Variants in XKR6 observed in about 807,000 individuals in gnomAD.
XKR6 encodes the protein XK-related protein 6.
A neutral mutation model predicts 56.7 loss-of-function variants in XKR6; 22 were observed. The observed-to-expected ratio is 0.39, with a 90% CI of 0.28 to 0.55. The LOEUF (loss-of-function observed/expected upper bound fraction) is 0.55, where lower values mean the gene tolerates loss of function less well. XKR6 is among the 20% of genes least tolerant of loss of function. The probability of loss-of-function intolerance (pLI) is 0.66; values close to 1 mark genes in which losing one functional copy is unlikely to be tolerated. For missense variants in XKR6, 852 were observed against 889.0 expected (o/e 0.96, Z 0.53); for synonymous variants, 524 against 387.8 (o/e 1.35, Z -4.13).
Position 11,201,496 on chromosome 8 carries a change from C to T in XKR6, c.-157G>A. On this transcript the variant is annotated 5_prime_UTR_variant, in exon 1 of 3. Coordinates refer to ENST00000416569, the MANE Select transcript of XKR6 (RefSeq NM_173683.4). ...AACGAGGGGGGAGTGGGCCAGGGAACCCCCTCCGCTTCCGGGTAGTTGGCG... is the reference window on the plus strand; with the variant it reads ...AACGAGGGGGGAGTGGGCCAGGGAATCCCCTCCGCTTCCGGGTAGTTGGCG... 1 of 561,156 alleles carries T rather than the reference C, an allele frequency of 1.8e-6. No individual in the cohort carries two copies. Among genetic ancestry groups the T allele is most frequent in the East Asian group, 3.4e-5 (1 of 29,762 alleles). 34.8% of individuals were successfully genotyped at this position (561,156 alleles called of 1,614,324 possible). A position where few individuals can be genotyped will look rare whatever the true frequency, so the allele number is the denominator to read the frequency against.
At chr8:11,179,964 C>T (rs1802880557) in intron 1 of XKR6, among the ~76,000 whole-genome samples, 1 of 151,970 alleles carries the variant, frequency 6.6e-6, no homozygotes, top group South Asian at 2.1e-4. Context: ...GAGACCCCAT[C>T]TTCACAAAAA....
chr8:11,169,095 T>A (rs1313067194), intron 1 of XKR6, among the ~76,000 whole-genome samples: 3 of 152,116 alleles, frequency 2.0e-5, no homozygotes, highest in South Asian at 2.1e-4. Flanking sequence ...CCAAGCTGAG[T>A]AGGCTTTCTC....
intron 1 of XKR6, among the ~76,000 whole-genome samples, chr8:11,052,656 C>T (rs1009658672): frequency 6.6e-6 from 1 of 152,090 alleles, no homozygotes; most frequent in East Asian, 1.9e-4. Flanking sequence ...GGTTTTCTCT[C>T]CCCATTGCCC....
chr8:11,050,255 A>T (rs1376365016), intron 1 of XKR6, among the ~76,000 whole-genome samples: 1 of 152,200 alleles, frequency 6.6e-6, no homozygotes, highest in Non-Finnish European at 1.5e-5. Context: ...GGATTCAAGA[A>T]TATGGCCAAC....
intron 1 of XKR6, among the ~76,000 whole-genome samples, chr8:11,163,357 C>T (rs531939447): frequency 6.6e-6 from 1 of 152,252 alleles, no homozygotes; most frequent in African/African-American, 2.4e-5. Context: ...CAAATGATTA[C>T]TGTTGCAGGG....
chr8:10,922,273 G>T (rs1407104688), intron 2 of XKR6, among the ~76,000 whole-genome samples: 1 of 152,248 alleles, frequency 6.6e-6, no homozygotes, highest in East Asian at 1.9e-4. Flanking sequence ...GGGAGAGAAA[G>T]GTGTCCCTCT....
In XKR6 at chr8:10,898,525, G is replaced by A. The variant is rs142242465; in HGVS notation, c.1353C>T (p.Thr451=). The part of the protein sequence containing the change: ...RMFAYYTIVL[T]ENAALTFLWY... ...AAAGGAACGTCAAGGCAGCATTCTC[G>A]GTCAAGACTATCGTATAATATGCAA... The change falls in exon 3 of 3, where the codon ACC becomes ACT. Residue 451 remains threonine, a synonymous_variant. Coordinates refer to ENST00000416569, the MANE Select transcript of XKR6 (RefSeq NM_173683.4). This position sits in a 1 kb window ranked among gnomAD's most constrained non-coding sequence, Gnocchi z 6.6. 6.4e-5 allele frequency: 103 copies of A among 1,613,928 alleles called. No homozygotes were observed. Among genetic ancestry groups the A allele is most frequent in the African/African-American group, 6.3e-4 (47 of 75,006 alleles).
intron 1 of XKR6, among the ~76,000 whole-genome samples, chr8:11,085,261 GTCTC>G (rs1246722344): frequency 6.6e-6 from 1 of 152,136 alleles, no homozygotes; most frequent in Non-Finnish European, 1.5e-5. Flanking sequence ...GAGCCTCATT[GTCTC>G]TCTAACTGTG....
intron 1 of XKR6, among the ~76,000 whole-genome samples, chr8:11,192,456 T>C (rs1006768786): frequency 2.4e-4 from 37 of 151,998 alleles, no homozygotes; most frequent in African/African-American, 8.2e-4. Context: ...CCTACAAAAA[T>C]CTTTTTAAAC....
In XKR6 at chr8:11,115,565, A is replaced by C. The variant is rs562583185; in HGVS notation, c.764+85011T>G. Among the ~76,000 whole-genome samples, 10 of 152,304 alleles carry C rather than the reference A, an allele frequency of 6.6e-5. No individual in the cohort carries two copies. The South Asian group carries it at 1.2e-3, about 19-fold the overall frequency. ...TAGTCTACACTAACATTATCGTTCA[A>C]TGTTTTGCATTTCTCTGCTGGTTCT... On this transcript the variant is annotated intron_variant, in intron 1 of 2. Transcript: ENST00000416569.
At chr8:11,071,360 C>T (rs933089730) in intron 1 of XKR6, among the ~76,000 whole-genome samples, 2 of 152,226 alleles carry the variant, frequency 1.3e-5, no homozygotes, top group Admixed American at 6.5e-5. Context: ...GTGCCTCAGC[C>T]TCCCAAGTAG....
At chr8:11,113,431 T>C (rs146031868) in intron 1 of XKR6, among the ~76,000 whole-genome samples, 6 of 152,340 alleles carry the variant, frequency 3.9e-5, no homozygotes, top group Non-Finnish European at 8.8e-5. Context: ...CACTGTATTA[T>C]CTTCAACCAA....
chr8:10,908,620 C>T (rs996259620), intron 2 of XKR6, among the ~76,000 whole-genome samples: 2 of 152,136 alleles, frequency 1.3e-5, no homozygotes, highest in African/African-American at 2.4e-5. Context: ...TCACCAAGAC[C>T]TTTATGCAAC....
chr8:11,005,099 A>C (rs1269085341), intron 1 of XKR6, among the ~76,000 whole-genome samples: 2 of 152,072 alleles, frequency 1.3e-5, no homozygotes, highest in African/African-American at 4.8e-5. Flanking sequence ...ACAGAACTCT[A>C]TATATACTAA....
At chr8:11,120,499 A>G in intron 1 of XKR6, among the ~76,000 whole-genome samples, 1 of 152,236 alleles carries the variant, frequency 6.6e-6, no homozygotes. Flanking sequence ...GGACCTCTTC[A>G]AGGAGAACTA....
Position 10,913,821 on chromosome 8 carries a change from G to C in XKR6, c.961+10813C>G, listed in dbSNP as rs73662649. On this transcript the variant is annotated intron_variant, in intron 2 of 2. Transcript: ENST00000416569. ...AGCAGAGAAGGACCCAAAGTCCTTGGTGACTGCTAGTGAGGGTGACGGGTG... is the reference window on the plus strand; with the variant it reads ...AGCAGAGAAGGACCCAAAGTCCTTGCTGACTGCTAGTGAGGGTGACGGGTG... Among the ~76,000 whole-genome samples the C allele has an allele frequency of 6.8e-3, 1,029 of 152,338 alleles. 11 individuals carry two copies. Among genetic ancestry groups the C allele is most frequent in the African/African-American group, 0.023 (972 of 41,574 alleles).
intron 2 of XKR6, among the ~76,000 whole-genome samples, chr8:10,918,299 G>C (rs1336488566): frequency 6.6e-6 from 1 of 152,202 alleles, no homozygotes. Flanking sequence ...CTTGGAAGAG[G>C]CTCACCTAAG....
chr8:10,923,184 G>A (rs1199817083), intron 2 of XKR6, among the ~76,000 whole-genome samples: 1 of 152,236 alleles, frequency 6.6e-6, no homozygotes, highest in Non-Finnish European at 1.5e-5. Context: ...CTGAAGCCTT[G>A]TCAAAGGGCG....
At position 11,157,557 on chromosome 8, in the gene XKR6, C is replaced by T. The variant is rs149471535; in HGVS notation, c.764+43019G>A. Among the ~76,000 whole-genome samples the T allele has an allele frequency of 6.8e-3, 1,041 of 152,012 alleles. 13 individuals carry two copies. Among genetic ancestry groups the T allele is most frequent in the African/African-American group, 0.023 (970 of 41,430 alleles). ...TAGAGATGCAGTCTCTCTCTGTTGC[C>T]CAGGCTGGTGTGCAGTGGCGTGATC... On this transcript the variant is annotated intron_variant, in intron 1 of 2. Coordinates refer to ENST00000416569, the MANE Select transcript of XKR6 (RefSeq NM_173683.4).
Sources: gnomAD v4.1 joint callset for allele counts (sites outside exome capture counted in the v4.1 genomes callset) on GRCh38, gnomAD v4.1.1 for gene constraint, Gnocchi (gnomAD v3.1) non-coding constraint, MANE v1.5 for transcripts, NCBI Gene and HGNC (gene_info 2026-07-23, HGNC 2026-07-21) for gene names.